The following ELMO1 variants were observed in gnomAD, a reference collection of about 807,000 sequenced individuals.
The protein encoded by ELMO1 is engulfment and cell motility protein 1.
A neutral mutation model predicts 98.9 loss-of-function variants in ELMO1; 26 were observed. That is an observed-to-expected ratio of 0.26 (90% CI 0.19 to 0.36). The LOEUF (loss-of-function observed/expected upper bound fraction) is 0.36. Ranked by LOEUF, ELMO1 falls within the 10% of genes least tolerant of loss-of-function variation. ELMO1 has a pLI of 1.00. For synonymous variants in ELMO1, 346 were observed against 346.0 expected (o/e 1.00, Z 0.00); for missense variants, 627 against 935.2 (o/e 0.67, Z 4.30).
At chr7:37,213,534 C>A in intron 11 of ELMO1, 77 bp from the exon 12 acceptor site, 1 of 1,383,706 alleles carries the variant, frequency 7.2e-7, no homozygotes, top group Non-Finnish European at 9.8e-7. Flanking sequence ...CTCAAGAAGG[C>A]TCTCACAGTC....
At chr7:36,952,964 C>CTTTTTTT (rs70980904) in intron 16 of ELMO1, among the ~76,000 whole-genome samples, 16 of 82,880 alleles carry the variant, frequency 1.9e-4, no homozygotes, top group East Asian at 3.3e-4. Flanking sequence ...AGTCACTACT[C>CTTTTTTT]TTTTTTTTTT....
intron 1 of ELMO1, among the ~76,000 whole-genome samples, chr7:37,364,462 T>C (rs1801819312): frequency 6.6e-6 from 1 of 152,238 alleles, no homozygotes; most frequent in Non-Finnish European, 1.5e-5. Context: ...TTCACCTAAA[T>C]ACCTAAATGT....
chr7:37,437,981 A>G (rs1379526071), intron 1 of ELMO1, among the ~76,000 whole-genome samples: 1 of 83,734 alleles, frequency 1.2e-5, no homozygotes, highest in African/African-American at 4.5e-5. Context: ...CTCCGTCTCA[A>G]AAAAAAAAAA....
intron 13 of ELMO1, among the ~76,000 whole-genome samples, chr7:37,185,050 G>C (rs930946539): frequency 6.6e-6 from 1 of 152,100 alleles, no homozygotes; most frequent in African/African-American, 2.4e-5. Context: ...TAGAGTATAG[G>C]CTAATGTAAA....
intron 15 of ELMO1, among the ~76,000 whole-genome samples, chr7:37,093,812 G>T (rs73688853): frequency 0.056 from 8,571 of 152,218 alleles, 603 homozygotes; most frequent in African/African-American, 0.17. Flanking sequence ...ACATGAATGT[G>T]TTTTGTAAGC....
intron 15 of ELMO1, among the ~76,000 whole-genome samples, chr7:37,024,639 T>C (rs1794464423): frequency 6.6e-6 from 1 of 152,176 alleles, no homozygotes; most frequent in African/African-American, 2.4e-5. Context: ...TCTGTTCATG[T>C]CCCTGAGACT....
At chr7:37,038,035 T>G (rs1158446278) in intron 15 of ELMO1, among the ~76,000 whole-genome samples, 1 of 151,918 alleles carries the variant, frequency 6.6e-6, no homozygotes, top group Non-Finnish European at 1.5e-5. Context: ...TTGCCCATCA[T>G]CCCCTATATC....
chr7:37,135,989 A>G (rs1787240337), intron 13 of ELMO1, among the ~76,000 whole-genome samples: 1 of 152,200 alleles, frequency 6.6e-6, no homozygotes, highest in Non-Finnish European at 1.5e-5. Context: ...GATACAGTAT[A>G]TGAAAGAAAA....
At chr7:37,347,436 G>A (rs1257091833) in intron 1 of ELMO1, among the ~76,000 whole-genome samples, 2 of 152,146 alleles carry the variant, frequency 1.3e-5, no homozygotes, top group Non-Finnish European at 2.9e-5. Flanking sequence ...TTCACATGTT[G>A]TAGAAGGGAC....
At chr7:37,181,996 C>G (rs1033970459) in intron 13 of ELMO1, among the ~76,000 whole-genome samples, 1 of 148,740 alleles carries the variant, frequency 6.7e-6, no homozygotes, top group African/African-American at 2.5e-5. Flanking sequence ...TGTATTTCCT[C>G]CCTCCAATTG....
chr7:37,260,797 T>C (rs1795938437), intron 5 of ELMO1, among the ~76,000 whole-genome samples: 1 of 152,192 alleles, frequency 6.6e-6, no homozygotes, highest in Non-Finnish European at 1.5e-5. Flanking sequence ...GAGCCCTCCC[T>C]ACTTATCTAT....
intron 14 of ELMO1, among the ~76,000 whole-genome samples, chr7:37,104,872 C>T (rs562997593): frequency 2.5e-4 from 37 of 149,238 alleles, no homozygotes; most frequent in Admixed American, 1.5e-3. Context: ...GAAAAGAAAA[C>T]GCACACAGGG....
intron 1 of ELMO1, among the ~76,000 whole-genome samples, chr7:37,432,741 G>C (rs905024072): frequency 6.6e-6 from 1 of 152,248 alleles, no homozygotes; most frequent in Admixed American, 6.5e-5. Context: ...CACAGGCACT[G>C]GGGAGGGAGG....
At chr7:37,010,633 C>T (rs182782006) in intron 16 of ELMO1, among the ~76,000 whole-genome samples, 1 of 152,330 alleles carries the variant, frequency 6.6e-6, no homozygotes, top group Admixed American at 6.5e-5. Flanking sequence ...GAAACAAATT[C>T]TCTCCTAGAG....
At chr7:37,243,423 A>C (rs1206271108) in intron 7 of ELMO1, among the ~76,000 whole-genome samples, 1 of 152,216 alleles carries the variant, frequency 6.6e-6, no homozygotes, top group Non-Finnish European at 1.5e-5. Flanking sequence ...ATAAAGTCTC[A>C]TAAAAAGTGG....
chr7:37,281,646 G>A (rs1299511863), intron 4 of ELMO1, among the ~76,000 whole-genome samples: 3 of 152,176 alleles, frequency 2.0e-5, no homozygotes, highest in African/African-American at 7.2e-5. Context: ...CTGGTTTGCT[G>A]CATTTTTACT....
chr7:37,383,368 G>C (rs138755651), intron 1 of ELMO1, among the ~76,000 whole-genome samples: 2 of 152,332 alleles, frequency 1.3e-5, no homozygotes, highest in African/African-American at 4.8e-5. Flanking sequence ...GTGAGAGTCA[G>C]GTTATGCATT....
chr7:37,183,167 C>T (rs1348675584), intron 13 of ELMO1, among the ~76,000 whole-genome samples: 1 of 151,808 alleles, frequency 6.6e-6, no homozygotes, highest in African/African-American at 2.4e-5. Context: ...GGAAGAGAAG[C>T]TGCTGAAGAG....
chr7:36,932,316 G>T (rs915596568), intron 16 of ELMO1, among the ~76,000 whole-genome samples: 1 of 152,072 alleles, frequency 6.6e-6, no homozygotes, highest in Non-Finnish European at 1.5e-5. Context: ...AGGACTGGGC[G>T]ATACGTGATA....
Sources: gnomAD v4.1 joint callset for allele counts (sites outside exome capture counted in the v4.1 genomes callset) on GRCh38, gnomAD v4.1.1 for gene constraint, MANE v1.5 for transcripts, NCBI Gene and HGNC (gene_info 2026-07-23, HGNC 2026-07-21) for gene names.